FSTL4: variants seen among roughly 807,000 people sequenced by gnomAD.
The protein encoded by FSTL4 is follistatin like 4.
FSTL4 carries 28 observed loss-of-function variants against 78.2 expected under a neutral mutation model. The observed-to-expected ratio is 0.36, with a 90% CI of 0.27 to 0.49. FSTL4 has a LOEUF of 0.49. FSTL4 is among the 20% of genes least tolerant of loss of function. The pLI, the probability that FSTL4 is intolerant of heterozygous loss-of-function variation, is 0.98. For missense variants in FSTL4, 922 were observed against 1,084.9 expected, an observed-to-expected ratio of 0.85 and a Z score of 2.11; for synonymous variants, 422 against 440.5, an observed-to-expected ratio of 0.96 and a Z score of 0.53.
intron 1 of FSTL4, among the ~76,000 whole-genome samples, chr5:133,604,292 G>A (rs13180285): frequency 0.041 from 6,258 of 152,210 alleles, 216 homozygotes; most frequent in African/African-American, 0.096. Flanking sequence ...GCCACCTACC[G>A]TTACATCTAT....
At chr5:133,674,976 T>C in the FSTL4 span, among the ~76,000 whole-genome samples, 1 of 152,282 alleles carries the variant, frequency 6.6e-6, no homozygotes, top group South Asian at 2.1e-4. Flanking sequence ...GAATAAGTGC[T>C]CGTGGAGATT....
intron 4 of FSTL4, among the ~76,000 whole-genome samples, chr5:133,384,380 G>A: frequency 6.6e-6 from 1 of 152,234 alleles, no homozygotes; most frequent in Non-Finnish European, 1.5e-5. Flanking sequence ...TCCCAGGACT[G>A]TTCAGGGCCC....
At chr5:133,251,368 T>G (rs1010233438) in intron 6 of FSTL4, among the ~76,000 whole-genome samples, 1 of 152,198 alleles carries the variant, frequency 6.6e-6, no homozygotes, top group African/African-American at 2.4e-5. Context: ...TCCTGCCACC[T>G]GGGGCAACCG....
chr5:133,335,620 A>G (rs1014690901), intron 4 of FSTL4, among the ~76,000 whole-genome samples: 1 of 151,170 alleles, frequency 6.6e-6, no homozygotes, highest in Non-Finnish European at 1.5e-5. Flanking sequence ...CCCTGGGGAC[A>G]GCTTCAATTT....
the FSTL4 span, among the ~76,000 whole-genome samples, chr5:133,788,726 T>A: frequency 1.3e-5 from 2 of 152,240 alleles, no homozygotes; most frequent in Non-Finnish European, 2.9e-5. Context: ...CTTCCACTAC[T>A]TCTGAAGTTT....
intron 4 of FSTL4, among the ~76,000 whole-genome samples, chr5:133,356,156 A>G (rs1754941028): frequency 6.6e-6 from 1 of 152,224 alleles, no homozygotes; most frequent in Admixed American, 6.5e-5. Flanking sequence ...TTTCATGCAG[A>G]CAGCTATGTA....
intron 3 of FSTL4, among the ~76,000 whole-genome samples, chr5:133,463,635 T>G (rs1757638945): frequency 6.6e-6 from 1 of 152,194 alleles, no homozygotes; most frequent in Non-Finnish European, 1.5e-5. Context: ...CTTCTCAACC[T>G]CCTAGGACAA....
In FSTL4 at chr5:133,599,689, G is replaced by A. The variant is rs372206654; in HGVS notation, c.126+4169C>T. Among the ~76,000 whole-genome samples the A allele has an allele frequency of 5.9e-5, 9 of 152,086 alleles. No individual in the cohort carries two copies. In the South Asian group the frequency reaches 1.9e-3, roughly 32 times the overall value. ...GCCCACCATTCAATCTCAGAGCCCA[G>A]CAAATGGGTGAGATGCTGGTGCTGG... On this transcript the variant is annotated intron_variant, in intron 2 of 15. Transcript: ENST00000265342.
intron 2 of FSTL4, among the ~76,000 whole-genome samples, chr5:133,599,288 G>C (rs1760805637): frequency 1.3e-5 from 2 of 152,194 alleles, no homozygotes; most frequent in African/African-American, 4.8e-5. Flanking sequence ...CGCGGGGACA[G>C]GAGTGTCATG....
At chr5:133,356,033 CA>C (rs1356172262) in intron 4 of FSTL4, among the ~76,000 whole-genome samples, 1 of 152,196 alleles carries the variant, frequency 6.6e-6, no homozygotes, top group Non-Finnish European at 1.5e-5. Context: ...GCCTGGGTCC[CA>C]GGGGGCCTTC....
At chr5:133,541,927 G>GACAC (rs61471971) in intron 3 of FSTL4, among the ~76,000 whole-genome samples, 3,877 of 148,310 alleles carry the variant, frequency 0.026, 56 homozygotes, top group East Asian at 0.081. Flanking sequence ...GAATGTTACA[G>GACAC]ACACACACAC....
chr5:133,564,093 G>A (rs1049233802), intron 3 of FSTL4, among the ~76,000 whole-genome samples: 1 of 152,130 alleles, frequency 6.6e-6, no homozygotes, highest in African/African-American at 2.4e-5. Flanking sequence ...CATGGTGTTT[G>A]CCAGCAATTC....
chr5:133,780,035 G>C, the FSTL4 span, among the ~76,000 whole-genome samples: 1 of 152,270 alleles, frequency 6.6e-6, no homozygotes, highest in East Asian at 1.9e-4. Flanking sequence ...AACAGCATGG[G>C]TCACTCCTGG....
At chr5:133,617,498 G>T (rs1326860908), upstream of FSTL4, among the ~76,000 whole-genome samples, 1 of 152,092 alleles carries the variant, frequency 6.6e-6, no homozygotes. Context: ...GGCACAGGAG[G>T]AAGCCAGCAG....
At chr5:133,272,245 C>A (rs1259629171) in intron 6 of FSTL4, among the ~76,000 whole-genome samples, 1 of 152,202 alleles carries the variant, frequency 6.6e-6, no homozygotes, top group Non-Finnish European at 1.5e-5. Flanking sequence ...AATGACACGG[C>A]CATTTCTTGA....
intron 7 of FSTL4, among the ~76,000 whole-genome samples, chr5:133,248,951 C>A (rs1164349594): frequency 6.6e-6 from 1 of 152,222 alleles, no homozygotes; most frequent in Non-Finnish European, 1.5e-5. Flanking sequence ...GGGACCACCC[C>A]TTCCCTGCAC....
the FSTL4 span, among the ~76,000 whole-genome samples, chr5:133,825,263 C>T: frequency 6.6e-6 from 1 of 152,194 alleles, no homozygotes; most frequent in Non-Finnish European, 1.5e-5. Context: ...AGTCAAGAAA[C>T]AAGCCCTGCC....
chr5:133,405,847 T>C (rs546574604), intron 3 of FSTL4, among the ~76,000 whole-genome samples: 10 of 152,250 alleles, frequency 6.6e-5, no homozygotes, highest in African/African-American at 2.2e-4. Flanking sequence ...TACCCTAAGA[T>C]GGGGTGGGTG....
At position 133,338,302 on chromosome 5, in the gene FSTL4, C is replaced by T. The variant is rs1354090949; in HGVS notation, c.410-21650G>A. Among the ~76,000 whole-genome samples, 1 of 152,138 alleles carries T rather than the reference C, an allele frequency of 6.6e-6. No individual in the cohort carries two copies. The highest frequency in any genetic ancestry group is 1.5e-5 in the Non-Finnish European group (1 of 68,024). On this transcript the variant is annotated intron_variant, in intron 4 of 15. Coordinates refer to ENST00000265342, the MANE Select transcript of FSTL4 (RefSeq NM_015082.2). This position sits in a 1 kb window ranked among gnomAD's most constrained non-coding sequence, Gnocchi z 4.0. ...GCTGACCCATTTATGCCAGTGCACACTCTGGACTGGCTCCTGCGGGAGAAC... is the reference window on the plus strand; with the variant it reads ...GCTGACCCATTTATGCCAGTGCACATTCTGGACTGGCTCCTGCGGGAGAAC...
Sources: allele counts gnomAD v4.1 joint callset (sites outside exome capture counted in the v4.1 genomes callset), GRCh38; gene constraint gnomAD v4.1.1; non-coding constraint Gnocchi (gnomAD v3.1); transcripts MANE v1.5; gene names NCBI Gene and HGNC (gene_info 2026-07-23, HGNC 2026-07-21).